RFX4: variants seen among roughly 807,000 people sequenced by gnomAD.
RFX4 encodes regulatory factor X4.
Under a neutral mutation model 95.0 loss-of-function variants are expected in RFX4, and 10 were observed. The observed-to-expected ratio is 0.11, with a 90% confidence interval of 0.06 to 0.18. RFX4 has a LOEUF of 0.18. RFX4 is among the 10% of genes least tolerant of loss of function. RFX4 has a pLI of 1.00. For missense variants in RFX4, 640 were observed against 922.0 expected (o/e 0.69, Z 3.96); for synonymous variants, 321 against 340.7 (o/e 0.94, Z 0.64).
At position 106,603,711 on chromosome 12, in the gene RFX4, T is replaced by C. The variant is rs75626327; in HGVS notation, c.44-5086T>C. Among the ~76,000 whole-genome samples, 452 of 152,378 alleles carry C rather than the reference T, an allele frequency of 3.0e-3. 9 individuals are homozygous for C. The East Asian group carries it at 0.067, about 23-fold the overall frequency. On this transcript the variant is annotated intron_variant, in intron 1 of 17. Coordinates refer to ENST00000392842, the MANE Select transcript of RFX4 (RefSeq NM_213594.3). ...TGAACTCTCTTTCTCCTATGTCCCATGCAGTCCCCAGAACTCAGTACCAGT... is the reference window on the plus strand; with the variant it reads ...TGAACTCTCTTTCTCCTATGTCCCACGCAGTCCCCAGAACTCAGTACCAGT...
rs750512849 is a variant in RFX4 at position 106,720,739 on chromosome 12, A to G, written c.1234-20A>G. The G allele has an allele frequency of 3.7e-6, 6 of 1,608,304 alleles. No homozygotes were observed. In the South Asian group the frequency reaches 6.6e-5, roughly 18 times the overall value. ...GAAAGGTCAAGTCGACCACTATTAA[A>G]GCCATTTACTTTCTTGTAGGTGGCT... is the stretch of plus-strand genomic sequence containing the variant. On this transcript the variant is annotated intron_variant, in intron 12 of 17. Transcript: ENST00000392842. This position sits in a 1 kb window ranked among gnomAD's most constrained non-coding sequence, Gnocchi z 4.2.
intron 13 of RFX4, among the ~76,000 whole-genome samples, chr12:106,721,706 G>A (rs1471582506): frequency 6.6e-6 from 1 of 152,172 alleles, no homozygotes; most frequent in East Asian, 1.9e-4. Context: ...AGGGGCATTG[G>A]TAAATTTTCT....
intron 2 of RFX4, among the ~76,000 whole-genome samples, chr12:106,638,602 G>A (rs1361462118): frequency 6.6e-6 from 1 of 152,148 alleles, no homozygotes; most frequent in African/African-American, 2.4e-5. Flanking sequence ...AACTGTGTGG[G>A]TTATGAACAA....
In RFX4 at chr12:106,732,196, G is replaced by C. The variant is rs199581397; in HGVS notation, c.1418G>C (p.Cys473Ser). The C allele has an allele frequency of 1.9e-6, 3 of 1,614,032 alleles. No individual in the cohort carries two copies. In the Admixed American group the frequency reaches 5.0e-5, roughly 27 times the overall value. The change falls in exon 14 of 18, where the codon TGT (cysteine) becomes TCT (serine). Residue 473 changes from cysteine (C) to serine (S), a missense_variant. Cys to Ser is a moderately radical substitution (Grantham distance 112, BLOSUM62 -1). Around this residue, in one of 7 missense-constraint regions of RFX4, gnomAD observed 300 missense variants for 346.8 expected, o/e 0.87. Transcript: ENST00000392842. The part of the protein sequence containing the change: ...YVLYLLESLH[C>S]QERANELMRA... ...CTCTACCTGTTAGAATCTCTGCACT[G>C]TCAGGAGCGGGCCAATGAGCTCATG...
At chr12:106,684,859 G>A in intron 5 of RFX4, 1 of 1,591,190 alleles carries the variant, frequency 6.3e-7, no homozygotes, top group Non-Finnish European at 8.6e-7. Context: ...CATCCCAGAA[G>A]GCATTCAGAT....
At chr12:106,719,699 T>C (rs1309554760) in intron 11 of RFX4, among the ~76,000 whole-genome samples, 1 of 151,878 alleles carries the variant, frequency 6.6e-6, no homozygotes, top group Non-Finnish European at 1.5e-5. Context: ...ACTAAGGCTA[T>C]GAAAAAAGCA....
chr12:106,603,523 G>C (rs2039756711), intron 1 of RFX4, among the ~76,000 whole-genome samples: 1 of 152,226 alleles, frequency 6.6e-6, no homozygotes, highest in South Asian at 2.1e-4. Flanking sequence ...AATCCCAGAT[G>C]AATCAGGGGA....
chr12:106,644,795 G>GT (rs2040709322), intron 3 of RFX4, among the ~76,000 whole-genome samples: 1 of 152,196 alleles, frequency 6.6e-6, no homozygotes, highest in African/African-American at 2.4e-5. Context: ...CCTAATGCTA[G>GT]GACAAGCATC....
chr12:106,707,073 T>C (rs1261165598), intron 8 of RFX4, among the ~76,000 whole-genome samples: 1 of 152,184 alleles, frequency 6.6e-6, no homozygotes, highest in Admixed American at 6.5e-5. Flanking sequence ...AAGTGGAATA[T>C]AATATATTAA....
intron 2 of RFX4, among the ~76,000 whole-genome samples, chr12:106,634,848 G>A (rs1302535333): frequency 4.6e-5 from 7 of 152,074 alleles, no homozygotes; most frequent in African/African-American, 1.2e-4. Flanking sequence ...TGGGTTGGCC[G>A]ACTCCTCTGT....
chr12:106,620,904 G>A lies in RFX4; in HGVS notation c.130+12021G>A, dbSNP rs186911539. On this transcript the variant is annotated intron_variant, in intron 2 of 17. Coordinates refer to ENST00000392842, the MANE Select transcript of RFX4 (RefSeq NM_213594.3). Reference sequence around the variant, plus strand: ...TATTCCTTGCTAGGAAAAGAATTTAGTATATCTTCCCTACTTGCACGTCCA... The same window carrying A: ...TATTCCTTGCTAGGAAAAGAATTTAATATATCTTCCCTACTTGCACGTCCA... 7.9e-5 allele frequency among the ~76,000 whole-genome samples: 12 copies of A among 152,172 alleles called. No homozygotes were observed. The South Asian group carries it at 1.0e-3, about 13-fold the overall frequency.
At chr12:106,751,550 C>T (rs1388743518) in intron 17 of RFX4, among the ~76,000 whole-genome samples, 1 of 147,674 alleles carries the variant, frequency 6.8e-6, no homozygotes, top group African/African-American at 2.5e-5. Flanking sequence ...TACAGTCCCA[C>T]CAACAGTGTA....
At chr12:106,600,659 G>A (rs1467432280) in intron 1 of RFX4, among the ~76,000 whole-genome samples, 2 of 152,096 alleles carry the variant, frequency 1.3e-5, no homozygotes, top group Non-Finnish European at 2.9e-5. Flanking sequence ...TGGAATAAAT[G>A]TGAAGTTCCT....
intron 4 of RFX4, 113 bp from the exon 5 acceptor site, chr12:106,681,880 T>C: frequency 9.2e-7 from 1 of 1,087,854 alleles, no homozygotes; most frequent in South Asian, 1.3e-5. Context: ...TATTAAGTCA[T>C]TGCAACCAAG....
intron 15 of RFX4, 63 bp from the exon 16 acceptor site, chr12:106,747,374 G>T: frequency 1.9e-6 from 3 of 1,569,982 alleles, no homozygotes; most frequent in Non-Finnish European, 1.7e-6. Flanking sequence ...AGCCACTAAA[G>T]TAAGGAAGAA....
intron 1 of RFX4, among the ~76,000 whole-genome samples, chr12:106,598,402 T>C (rs2039650584): frequency 6.6e-6 from 1 of 152,078 alleles, no homozygotes; most frequent in African/African-American, 2.4e-5. Context: ...CGAATGGAAA[T>C]GCTATGTTTG....
At chr12:106,610,175 T>C (rs1486118007) in intron 2 of RFX4, among the ~76,000 whole-genome samples, 1 of 149,512 alleles carries the variant, frequency 6.7e-6, no homozygotes, top group Non-Finnish European at 1.5e-5. Flanking sequence ...GAGGCAGAGC[T>C]TGCAGTGAGC....
rs182340081 is a variant in RFX4 at position 106,675,325 on chromosome 12, G to A, written c.316-6668G>A. On this transcript the variant is annotated intron_variant, in intron 4 of 17. Transcript: ENST00000392842. ...GTATGCCTGTAATCGCAGCTACTCA[G>A]GAGGCTGAGGCACAAGAATCACTTG... 2.5e-3 allele frequency among the ~76,000 whole-genome samples: 380 copies of A among 152,238 alleles called. 2 individuals carry two copies. The highest frequency in any genetic ancestry group is 8.2e-3 in the African/African-American group (339 of 41,540).
chr12:106,653,223 G>A (rs889410748), intron 3 of RFX4, among the ~76,000 whole-genome samples: 4 of 152,138 alleles, frequency 2.6e-5, no homozygotes, highest in Admixed American at 2.0e-4. Flanking sequence ...TGGTGTTTGG[G>A]TTAAAGAATA....
Sources: gnomAD v4.1 joint callset for allele counts (sites outside exome capture counted in the v4.1 genomes callset) on GRCh38, gnomAD v4.1.1 for gene constraint, gnomAD v4.1.1 regional missense constraint, Gnocchi (gnomAD v3.1) non-coding constraint, MANE v1.5 for transcripts, NCBI Gene and HGNC (gene_info 2026-07-23, HGNC 2026-07-21) for gene names.